Variants in KDM5B observed in about 807,000 individuals in gnomAD.
KDM5B encodes lysine demethylase 5B.
A neutral mutation model predicts 193.4 loss-of-function variants in KDM5B; 144 were observed. That is an observed-to-expected ratio of 0.74 (90% CI 0.65 to 0.86). The LOEUF (loss-of-function observed/expected upper bound fraction) is 0.86. Ranked by LOEUF, KDM5B falls within the 40% of genes least tolerant of loss-of-function variation. The pLI is 0.00. For synonymous variants in KDM5B, 668 were observed against 682.6 expected (o/e 0.98, Z 0.33); for missense variants, 1,833 against 1,886.9 (o/e 0.97, Z 0.53).
In KDM5B at chr1:202,757,455, G is replaced by A. The variant is rs539832300; in HGVS notation, c.1197+936C>T. Among the ~76,000 whole-genome samples, 14 of 152,304 alleles carry A rather than the reference G, an allele frequency of 9.2e-5. No individual in the cohort carries two copies. In the East Asian group the frequency reaches 2.7e-3, roughly 29 times the overall value. On this transcript the variant is annotated intron_variant, in intron 9 of 26. Transcript: ENST00000367265. ...ATCCAGAGGCAGGTAACATTTAAAT[G>A]TCTATCCCTCAATGTCCTCATCTAA...
intron 1 of KDM5B, among the ~76,000 whole-genome samples, chr1:202,777,885 G>C (rs2102305841): frequency 6.6e-6 from 1 of 152,094 alleles, no homozygotes; most frequent in South Asian, 2.1e-4. Context: ...AATTTTAAAA[G>C]TCATCCTTGG....
chr1:202,778,518 A>G (rs2102307034), intron 1 of KDM5B, among the ~76,000 whole-genome samples: 1 of 152,360 alleles, frequency 6.6e-6, no homozygotes, highest in Non-Finnish European at 1.5e-5. Flanking sequence ...ATGGTTACAA[A>G]GGCAAAAATT....
intron 2 of KDM5B, among the ~76,000 whole-genome samples, chr1:202,775,289 G>A (rs1558506807): frequency 6.6e-6 from 1 of 151,926 alleles, no homozygotes. Flanking sequence ...TGTAATCCCA[G>A]CACTTTGGGA....
intron 16 of KDM5B, among the ~76,000 whole-genome samples, chr1:202,744,553 G>A (rs956253459): frequency 6.6e-5 from 10 of 152,190 alleles, no homozygotes; most frequent in Middle Eastern, 3.4e-3. Context: ...GCAAGACTCC[G>A]TCTCAAAACA....
intron 5 of KDM5B, chr1:202,766,566 A>T: frequency 4.7e-6 from 2 of 423,542 alleles, no homozygotes; most frequent in Non-Finnish European, 9.0e-6. Flanking sequence ...CACTCTGTTT[A>T]AAAAAACTCC....
intron 1 of KDM5B, among the ~76,000 whole-genome samples, chr1:202,791,335 G>C (rs996205570): frequency 2.6e-5 from 4 of 152,136 alleles, no homozygotes; most frequent in Non-Finnish European, 5.9e-5. Flanking sequence ...TACTTTTCCA[G>C]GGTTTTACAG....
chr1:202,754,989 C>G (rs1655950006), intron 11 of KDM5B, among the ~76,000 whole-genome samples: 1 of 152,136 alleles, frequency 6.6e-6, no homozygotes, highest in Admixed American at 6.5e-5. Flanking sequence ...CCGGCCTAGA[C>G]AAAGACTTCC....
intron 1 of KDM5B, among the ~76,000 whole-genome samples, chr1:202,780,572 T>C (rs1041346518): frequency 7.9e-5 from 12 of 152,262 alleles, no homozygotes; most frequent in African/African-American, 2.2e-4. Flanking sequence ...GGAAATTCAC[T>C]GCAAAATTCC....
intron 11 of KDM5B, among the ~76,000 whole-genome samples, chr1:202,754,493 AC>A (rs1228825561): frequency 6.6e-6 from 1 of 152,146 alleles, no homozygotes; most frequent in African/African-American, 2.4e-5. Context: ...GGCTCACTCT[AC>A]TGTGCATAGT....
Position 202,741,602 on chromosome 1 carries a change from G to A in KDM5B, c.2710C>T (p.Leu904Phe). Residue 904 changes from leucine (L) to phenylalanine (F), a missense_variant, in exon 19 of 27, where the codon CTT (leucine) becomes TTT (phenylalanine). Around this residue, in one of 3 missense-constraint regions of KDM5B, gnomAD observed 1,379 missense variants for 1,349.6 expected, o/e 1.02. Coordinates refer to ENST00000367265, the MANE Select transcript of KDM5B (RefSeq NM_006618.5). ...ATACGCATCTCAGCAAGCTGTGGAA[G>A]TTCAACATCAAATTCAAAGCTGACA... ...LDVSFEFDVE[L>F]PQLAEMRIRL... 1 of 1,614,248 alleles carries A rather than the reference G, an allele frequency of 6.2e-7. No individual in the cohort carries two copies. The highest frequency in any genetic ancestry group is 8.5e-7 in the Non-Finnish European group (1 of 1,180,050).
intron 14 of KDM5B, among the ~76,000 whole-genome samples, chr1:202,747,407 C>T (rs1482508487): frequency 6.6e-6 from 1 of 151,824 alleles, no homozygotes; most frequent in African/African-American, 2.4e-5. Context: ...AATGAGCTAC[C>T]ATTTTTGATG....
At chr1:202,793,758 G>A (rs192728015) in intron 1 of KDM5B, among the ~76,000 whole-genome samples, 28 of 152,056 alleles carry the variant, frequency 1.8e-4, no homozygotes, top group South Asian at 1.0e-3. Context: ...CTTTGTTCTT[G>A]TCAAAAAAAT....
At chr1:202,730,404 G>T (rs16850362) in intron 25 of KDM5B, among the ~76,000 whole-genome samples, 13,734 of 152,156 alleles carry the variant, frequency 0.09, 812 homozygotes, top group African/African-American at 0.16. Context: ...TGTCTATCCT[G>T]TGACCTACAG....
At chr1:202,801,742 T>G (rs775824812) in intron 1 of KDM5B, among the ~76,000 whole-genome samples, 39 of 152,234 alleles carry the variant, frequency 2.6e-4, no homozygotes, top group Non-Finnish European at 5.0e-4. Flanking sequence ...CATTCTTATG[T>G]CTAAAACAAG....
chr1:202,738,501 T>C (rs1487132887), intron 20 of KDM5B, among the ~76,000 whole-genome samples: 1 of 152,250 alleles, frequency 6.6e-6, no homozygotes, highest in East Asian at 1.9e-4. Context: ...TTATGTAATC[T>C]CCTCAAACAA....
At chr1:202,801,541 T>G (rs1658074733) in intron 1 of KDM5B, among the ~76,000 whole-genome samples, 1 of 152,194 alleles carries the variant, frequency 6.6e-6, no homozygotes, top group African/African-American at 2.4e-5. Flanking sequence ...AAAAGCAAAT[T>G]CAAAGAATTC....
rs1433588873 is a variant in KDM5B, at chr1:202,804,757, C to CCCAGCACTT, written c.204+3336_204+3344dup. Among the ~76,000 whole-genome samples, 4 of 151,836 alleles carry CCCAGCACTT rather than the reference C, an allele frequency of 2.6e-5. 1 individual carries two copies. Among genetic ancestry groups the CCCAGCACTT allele is most frequent in the Admixed American group, 2.6e-4 (4 of 15,210 alleles). ...CGGCACGGTGGCTCACGCCTGTAAT[C>CCCAGCACTT]CCAGCACTTTGGGAGGCCGAGGCGC... On this transcript the variant is annotated intron_variant, in intron 1 of 26. Transcript: ENST00000367265.
In KDM5B at chr1:202,735,357, C is replaced by T. The variant is rs1655051035; in HGVS notation, c.3423+72G>A. On this transcript the variant is annotated intron_variant, in intron 22 of 26. Transcript: ENST00000367265. ...TACTCTACTTGCCTTCTCCAAATTCCTATAAAACAGAAAGGGTTAGAAATT... is the reference window on the plus strand; with the variant it reads ...TACTCTACTTGCCTTCTCCAAATTCTTATAAAACAGAAAGGGTTAGAAATT... The T allele has an allele frequency of 6.0e-6, 9 of 1,493,650 alleles. No individual in the cohort carries two copies. The Admixed American group carries it at 1.9e-4, about 32-fold the overall frequency. The allele number at this position is 1,493,650 out of a possible 1,614,324, so 92.5% of individuals were successfully genotyped here.
chr1:202,794,938 T>C (rs2102336615), intron 1 of KDM5B, among the ~76,000 whole-genome samples: 1 of 152,126 alleles, frequency 6.6e-6, no homozygotes, highest in South Asian at 2.1e-4. Flanking sequence ...TGGGGCCGGG[T>C]GTGGTGGCTC....
Sources: gnomAD v4.1 joint callset for allele counts (sites outside exome capture counted in the v4.1 genomes callset) on GRCh38, gnomAD v4.1.1 for gene constraint, gnomAD v4.1.1 regional missense constraint, MANE v1.5 for transcripts, NCBI Gene and HGNC (gene_info 2026-07-23, HGNC 2026-07-21) for gene names.